KCNK13: variants seen among roughly 807,000 people sequenced by gnomAD.
KCNK13 encodes the protein potassium two pore domain channel subfamily K member 13, also known as potassium channel subfamily K member 13.
KCNK13 carries 12 observed loss-of-function variants against 23.4 expected under a neutral mutation model. That is an observed-to-expected ratio of 0.51 (90% CI 0.33 to 0.83). The LOEUF (loss-of-function observed/expected upper bound fraction) is 0.83. KCNK13 is among the 40% of genes least tolerant of loss of function. The pLI is 0.02. For missense variants in KCNK13, 463 were observed against 556.3 expected (o/e 0.83, Z 1.69); for synonymous variants, 231 against 229.5 (o/e 1.01, Z -0.06).
intron 1 of KCNK13, among the ~76,000 whole-genome samples, chr14:90,077,046 C>G (rs1442574174): frequency 1.3e-5 from 2 of 150,464 alleles, no homozygotes; most frequent in East Asian, 3.9e-4. Flanking sequence ...GTCTCGATCT[C>G]CTGACCTCGT....
intron 1 of KCNK13, among the ~76,000 whole-genome samples, chr14:90,163,281 G>T (rs1890270115): frequency 6.6e-6 from 1 of 152,204 alleles, no homozygotes; most frequent in Non-Finnish European, 1.5e-5. Flanking sequence ...TTAAGGAAGA[G>T]AAACGCAAGT....
At chr14:90,129,726 T>G (rs1889844816) in intron 1 of KCNK13, among the ~76,000 whole-genome samples, 1 of 128,696 alleles carries the variant, frequency 7.8e-6, no homozygotes, top group South Asian at 3.6e-4. Context: ...TTCTCTGCAT[T>G]CAGTGTGACT....
chr14:90,127,648 TAAAAAAAA>T (rs11323596), intron 1 of KCNK13, among the ~76,000 whole-genome samples: 1 of 137,890 alleles, frequency 7.3e-6, no homozygotes, highest in Non-Finnish European at 1.6e-5. Context: ...CCCCCAACTC[TAAAAAAAA>T]AAAAAAGAAA....
chr14:90,080,823 A>G (rs1889200228), intron 1 of KCNK13, among the ~76,000 whole-genome samples: 1 of 152,166 alleles, frequency 6.6e-6, no homozygotes, highest in South Asian at 2.1e-4. Context: ...CTTAAAAAAA[A>G]TCTGTGACCC....
At chr14:90,106,586 A>T (rs1889546135) in intron 1 of KCNK13, among the ~76,000 whole-genome samples, 1 of 152,120 alleles carries the variant, frequency 6.6e-6, no homozygotes. Context: ...AAAAAAAAAA[A>T]TTTATGATAC....
chr14:90,138,823 A>G (rs893581277), intron 1 of KCNK13, among the ~76,000 whole-genome samples: 12 of 152,160 alleles, frequency 7.9e-5, no homozygotes, highest in African/African-American at 2.9e-4. Context: ...GATTGGTGCT[A>G]TACCCACTAG....
At chr14:90,183,961 G>GACC in intron 1 of KCNK13, 150 bp from the exon 2 acceptor site, 1 of 699,520 alleles carries the variant, frequency 1.4e-6, no homozygotes, top group East Asian at 2.7e-5. Flanking sequence ...AAAAGCAGGT[G>GACC]AGAATTCTCC....
chr14:90,178,106 T>G (rs1890442818), intron 1 of KCNK13, among the ~76,000 whole-genome samples: 1 of 151,996 alleles, frequency 6.6e-6, no homozygotes, highest in Non-Finnish European at 1.5e-5. Flanking sequence ...CTTGATTTAG[T>G]CATTTCCCCA....
chr14:90,076,798 C>T (rs993776494), intron 1 of KCNK13, among the ~76,000 whole-genome samples: 25 of 152,052 alleles, frequency 1.6e-4, no homozygotes, highest in African/African-American at 6.0e-4. Flanking sequence ...AATTGTTTTT[C>T]TATTCTGGAG....
intron 1 of KCNK13, among the ~76,000 whole-genome samples, chr14:90,120,178 A>G (rs754288727): frequency 2.2e-4 from 34 of 152,118 alleles, no homozygotes; most frequent in Non-Finnish European, 4.1e-4. Flanking sequence ...TTGGTTTTCT[A>G]TTGCTGTGTT....
rs565462883 is a variant in KCNK13, at chr14:90,071,164, A to G, written c.334+8625A>G. Among the ~76,000 whole-genome samples, 5 of 152,194 alleles carry G rather than the reference A, an allele frequency of 3.3e-5. No homozygotes were observed. In the East Asian group the frequency reaches 9.7e-4, roughly 29 times the overall value. On this transcript the variant is annotated intron_variant, in intron 1 of 1. Coordinates refer to ENST00000282146, the MANE Select transcript of KCNK13 (RefSeq NM_022054.4). ...TCCATCCAGTTCTCTCTTTCCCTCTATCCCTTTCTCTATGAAGGAGAGATG... is the reference window on the plus strand; with the variant it reads ...TCCATCCAGTTCTCTCTTTCCCTCTGTCCCTTTCTCTATGAAGGAGAGATG...
intron 1 of KCNK13, among the ~76,000 whole-genome samples, chr14:90,132,803 G>A (rs748063099): frequency 3.9e-5 from 6 of 151,976 alleles, no homozygotes; most frequent in Admixed American, 1.3e-4. Context: ...AGTAACTATC[G>A]CCATTTGTAC....
chr14:90,121,295 G>A (rs1889736269), intron 1 of KCNK13, among the ~76,000 whole-genome samples: 1 of 152,186 alleles, frequency 6.6e-6, no homozygotes, highest in Admixed American at 6.5e-5. Context: ...TTTGTAACAG[G>A]GATAGAAGAG....
intron 1 of KCNK13, among the ~76,000 whole-genome samples, chr14:90,177,556 G>A (rs942744145): frequency 6.6e-6 from 1 of 152,146 alleles, no homozygotes; most frequent in Non-Finnish European, 1.5e-5. Flanking sequence ...TTCGGAGTAT[G>A]CATGTAACTT....
intron 1 of KCNK13, among the ~76,000 whole-genome samples, chr14:90,095,139 A>G (rs1889396463): frequency 6.6e-6 from 1 of 152,222 alleles, no homozygotes; most frequent in Non-Finnish European, 1.5e-5. Flanking sequence ...ATGGGCAGAG[A>G]ATCACAGCGT....
chr14:90,165,363 A>G (rs1053827240), intron 1 of KCNK13, among the ~76,000 whole-genome samples: 2 of 152,144 alleles, frequency 1.3e-5, no homozygotes, highest in Admixed American at 6.5e-5. Flanking sequence ...TTTTTACACC[A>G]ACGGCCACCT....
In KCNK13 at chr14:90,119,299, C is replaced by T. The variant is rs139298525; in HGVS notation, c.334+56760C>T. ...TCCTCCCCAATTCATTCTATGAGGC[C>T]GGGGTCATTCTGATACCAAAACCTG... On this transcript the variant is annotated intron_variant, in intron 1 of 1. Transcript: ENST00000282146. Among the ~76,000 whole-genome samples, 122 of 152,134 alleles carry T rather than the reference C, an allele frequency of 8.0e-4. 1 individual carries two copies. The highest frequency in any genetic ancestry group is 1.3e-3 in the Non-Finnish European group (88 of 67,996).
intron 1 of KCNK13, among the ~76,000 whole-genome samples, chr14:90,082,301 A>G (rs569514798): frequency 2.2e-4 from 33 of 151,378 alleles, no homozygotes; most frequent in African/African-American, 7.8e-4. Flanking sequence ...CTGACCTCAG[A>G]TGATCTGCCT....
intron 1 of KCNK13, among the ~76,000 whole-genome samples, chr14:90,160,828 A>G (rs1890245137): frequency 6.6e-6 from 1 of 151,154 alleles, no homozygotes; most frequent in South Asian, 2.1e-4. Flanking sequence ...GGGTGACAAG[A>G]GCAAGACTCC....
Sources: allele counts gnomAD v4.1 joint callset (sites outside exome capture counted in the v4.1 genomes callset), GRCh38; gene constraint gnomAD v4.1.1; transcripts MANE v1.5; gene names NCBI Gene and HGNC (gene_info 2026-07-23, HGNC 2026-07-21).